Variants in PDK1 observed in about 807,000 individuals in gnomAD.
The protein encoded by PDK1 is pyruvate dehydrogenase kinase 1, also known as [Pyruvate dehydrogenase (acetyl-transferring)] kinase isozyme 1, mitochondrial.
A neutral mutation model predicts 54.2 loss-of-function variants in PDK1; 39 were observed. The observed-to-expected ratio is 0.72, with a 90% CI of 0.56 to 0.94. The LOEUF (loss-of-function observed/expected upper bound fraction) is 0.94, where lower values mean the gene tolerates loss of function less well. PDK1 is among the 40% of genes least tolerant of loss of function. PDK1 has a pLI of 0.00. For synonymous variants in PDK1, 221 were observed against 207.1 expected (o/e 1.07, Z -0.58); for missense variants, 552 against 566.0 (o/e 0.98, Z 0.25).
At chr2:172,698,262 C>A in the PDK1 span, among the ~76,000 whole-genome samples, 12 of 152,186 alleles carry the variant, frequency 7.9e-5, no homozygotes, top group Admixed American at 2.0e-4. Context: ...GACTTCTGAG[C>A]ATTTTCCTGC....
At chr2:172,695,167 G>A in the PDK1 span, among the ~76,000 whole-genome samples, 512 of 152,174 alleles carry the variant, frequency 3.4e-3, 2 homozygotes, top group African/African-American at 0.012. Context: ...CCAGAAATAT[G>A]CCATAGGAAC....
At chr2:172,638,173 C>G in the PDK1 span, among the ~76,000 whole-genome samples, 15 of 152,282 alleles carry the variant, frequency 9.9e-5, no homozygotes, top group Admixed American at 2.0e-4. Flanking sequence ...AAAGAAACAC[C>G]ATGGACTGCT....
chr2:172,620,222 G>C, the PDK1 span, among the ~76,000 whole-genome samples: 2 of 152,138 alleles, frequency 1.3e-5, no homozygotes, highest in African/African-American at 2.4e-5. Context: ...GTCAGACAAA[G>C]GCTGTTGAAA....
the PDK1 span, among the ~76,000 whole-genome samples, chr2:172,644,427 G>A: frequency 3.3e-5 from 5 of 152,196 alleles, no homozygotes; most frequent in Non-Finnish European, 5.9e-5. Context: ...CTGTGCCTTA[G>A]TTTCCTGTGT....
chr2:172,579,840 T>G (rs1689799573), intron 8 of PDK1, among the ~76,000 whole-genome samples: 1 of 152,030 alleles, frequency 6.6e-6, no homozygotes, highest in African/African-American at 2.4e-5. Flanking sequence ...TCACTGTGTG[T>G]TTAGTCTCTT....
chr2:172,693,931 T>C, the PDK1 span, among the ~76,000 whole-genome samples: 1 of 152,202 alleles, frequency 6.6e-6, no homozygotes, highest in African/African-American at 2.4e-5. Flanking sequence ...TCAGACCTTC[T>C]TGGGAGCCTA....
the PDK1 span, among the ~76,000 whole-genome samples, chr2:172,721,455 A>T: frequency 3.3e-5 from 5 of 151,688 alleles, no homozygotes; most frequent in African/African-American, 1.2e-4. Context: ...ATTCTGCCTC[A>T]CTCTCCCAGG....
At chr2:172,690,001 G>A in the PDK1 span, among the ~76,000 whole-genome samples, 1 of 150,126 alleles carries the variant, frequency 6.7e-6, no homozygotes, top group Non-Finnish European at 1.5e-5. Flanking sequence ...TAGAGAAATG[G>A]GGTCTAATTA....
chr2:172,619,275 T>C, the PDK1 span, among the ~76,000 whole-genome samples: 3 of 152,166 alleles, frequency 2.0e-5, no homozygotes, highest in Non-Finnish European at 4.4e-5. Context: ...AGCCTTGCCT[T>C]ATTCACCAGG....
the PDK1 span, among the ~76,000 whole-genome samples, chr2:172,624,989 A>G: frequency 7.2e-6 from 1 of 139,610 alleles, no homozygotes; most frequent in East Asian, 2.0e-4. Flanking sequence ...ACTCCATCTC[A>G]AAAAAAAAAA....
chr2:172,698,030 T>C, the PDK1 span, among the ~76,000 whole-genome samples: 2 of 152,168 alleles, frequency 1.3e-5, no homozygotes, highest in East Asian at 3.9e-4. Context: ...AATCCCACAA[T>C]GAGATGGCCA....
intron 8 of PDK1, among the ~76,000 whole-genome samples, chr2:172,580,828 C>T (rs1689862145): frequency 6.6e-6 from 1 of 151,770 alleles, no homozygotes; most frequent in African/African-American, 2.4e-5. Flanking sequence ...ACATTGAAGA[C>T]ATTATGCTAA....
the PDK1 span, among the ~76,000 whole-genome samples, chr2:172,646,832 G>A: frequency 6.9e-6 from 1 of 145,244 alleles, no homozygotes; most frequent in African/African-American, 2.5e-5. Flanking sequence ...CTGCCTCCGA[G>A]GTTCAAGCAA....
At chr2:172,559,011 C>G (rs945864736) in intron 2 of PDK1, among the ~76,000 whole-genome samples, 162 bp downstream of exon 2, 2 of 151,888 alleles carry the variant, frequency 1.3e-5, no homozygotes, top group African/African-American at 4.8e-5. Context: ...TGCAGTGGCG[C>G]GATCTTGCCT....
At chr2:172,701,648 GTT>G in the PDK1 span, among the ~76,000 whole-genome samples, 16,005 of 124,622 alleles carry the variant, frequency 0.13, 809 homozygotes, top group South Asian at 0.21. Context: ...TTTTTGTTTT[GTT>G]TTTTTTTTTT....
chr2:172,715,057 T>G, the PDK1 span, among the ~76,000 whole-genome samples: 1 of 152,202 alleles, frequency 6.6e-6, no homozygotes, highest in Non-Finnish European at 1.5e-5. Context: ...CTAACTCACT[T>G]CTAATATATG....
At chr2:172,644,277 G>T in the PDK1 span, among the ~76,000 whole-genome samples, 1 of 152,170 alleles carries the variant, frequency 6.6e-6, no homozygotes, top group Non-Finnish European at 1.5e-5. Context: ...AAATCAGCCC[G>T]CACCTCTGTC....
At position 172,571,823 on chromosome 2, in the gene PDK1, CTTTTTTTT is replaced by C. The variant is rs36031428; in HGVS notation, c.945+1018_945+1025del. Among the ~76,000 whole-genome samples, 45 of 99,798 alleles carry C rather than the reference CTTTTTTTT, an allele frequency of 4.5e-4. 3 individuals are homozygous for C. Among genetic ancestry groups the C allele is most frequent in the African/African-American group, 1.7e-3 (44 of 25,622 alleles). The allele number at this position is 99,798 out of a possible 152,430, so 65.5% of individuals were successfully genotyped here. On this transcript the variant is annotated intron_variant, in intron 8 of 10. Coordinates refer to ENST00000282077, the MANE Select transcript of PDK1 (RefSeq NM_002610.5). ...CTCAGAGATTCTTAGTCTTTCTTTACTTTTTTTTTTTTTTTTTTTTTTTTTTGAGATGG... is the reference window on the plus strand; with the variant it reads ...CTCAGAGATTCTTAGTCTTTCTTTACTTTTTTTTTTTTTTTTTTGAGATGG...
chr2:172,580,034 T>A (rs988410430), intron 8 of PDK1, among the ~76,000 whole-genome samples: 2 of 152,094 alleles, frequency 1.3e-5, no homozygotes, highest in African/African-American at 4.8e-5. Flanking sequence ...TAATCCCTTT[T>A]TAGAATTCTG....
Sources: gnomAD v4.1 joint callset for allele counts (sites outside exome capture counted in the v4.1 genomes callset) on GRCh38, gnomAD v4.1.1 for gene constraint, MANE v1.5 for transcripts, NCBI Gene and HGNC (gene_info 2026-07-23, HGNC 2026-07-21) for gene names.